Variants in SOHLH1 observed in about 807,000 individuals in gnomAD.
SOHLH1 encodes spermatogenesis and oogenesis specific basic helix-loop-helix 1.
Under a neutral mutation model 36.2 loss-of-function variants are expected in SOHLH1, and 23 were observed. The ratio of observed to expected loss-of-function variants is 0.64; its 90% confidence interval spans 0.46 to 0.90. The LOEUF (loss-of-function observed/expected upper bound fraction) is 0.90, where lower values mean the gene tolerates loss of function less well. Ranked by LOEUF, SOHLH1 falls within the 40% of genes least tolerant of loss-of-function variation. The pLI is 0.00. For synonymous variants in SOHLH1, 289 were observed against 228.3 expected, an observed-to-expected ratio of 1.27 and a Z score of -2.40; for missense variants, 608 against 517.0, an observed-to-expected ratio of 1.18 and a Z score of -1.71.
At chr9:135,694,914 C>T (rs549532592) in intron 6 of SOHLH1, 136 bp downstream of exon 6, 34 of 1,018,860 alleles carry the variant, frequency 3.3e-5, no homozygotes, top group Admixed American at 6.4e-5. Flanking sequence ...CTCCCTCCCA[C>T]GGGCACAGAA....
Position 135,697,799 on chromosome 9 carries a change from G to A in SOHLH1, c.346-172C>T, listed in dbSNP as rs561336231. 8.5e-5 allele frequency among the ~76,000 whole-genome samples: 13 copies of A among 152,220 alleles called. 1 individual carries two copies. In the South Asian group the frequency reaches 2.1e-3, roughly 24 times the overall value. On this transcript the variant is annotated intron_variant, in intron 3 of 7. Coordinates refer to ENST00000425225, the MANE Select transcript of SOHLH1 (RefSeq NM_001101677.2). The stretch of plus-strand genomic sequence containing the variant: ...ACAACGAGGCTGAGGTTCCACCCCC[G>A]AAAGGCCCCACCATTCCTGAATCAG...
At chr9:135,701,329 T>A (rs999631727), upstream of SOHLH1, among the ~76,000 whole-genome samples, 1 of 151,800 alleles carries the variant, frequency 6.6e-6, no homozygotes, top group African/African-American at 2.4e-5. Flanking sequence ...ACAAAGTACA[T>A]GGCATGCGCC....
chr9:135,698,326 C>T lies in SOHLH1; in HGVS notation c.345+3G>A. ...ACTGACGGCGTCTACCCTTACAACT[C>T]ACAGCGTGCTGCTCCTGACTGGGCC... On this transcript the variant is annotated splice_donor_region_variant and intron_variant, in intron 3 of 7. Coordinates refer to ENST00000425225, the MANE Select transcript of SOHLH1 (RefSeq NM_001101677.2). 6.2e-7 allele frequency: 1 copy of T among 1,613,010 alleles called. No individual in the cohort carries two copies. The highest frequency in any genetic ancestry group is 8.5e-7 in the Non-Finnish European group (1 of 1,180,010).
At chr9:135,699,585 C>T, upstream of SOHLH1, 1 of 1,108,196 alleles carries the variant, frequency 9.0e-7, no homozygotes, top group South Asian at 1.3e-5. Context: ...CCCACCCCCA[C>T]TTGCAATCCG....
At chr9:135,695,937 C>T (rs1340361971) in intron 5 of SOHLH1, among the ~76,000 whole-genome samples, 1 of 146,778 alleles carries the variant, frequency 6.8e-6, no homozygotes, top group Non-Finnish European at 1.5e-5. Flanking sequence ...GGCCAGGCAG[C>T]ATAGGCGGAA....
intron 4 of SOHLH1, 100 bp downstream of exon 4, chr9:135,697,406 G>A: frequency 6.5e-7 from 1 of 1,535,736 alleles, no homozygotes; most frequent in Non-Finnish European, 8.8e-7. Flanking sequence ...GCCAAGCCGG[G>A]CCTCCAGGCC....
At chr9:135,699,616 T>C (rs1287504096), upstream of SOHLH1, 1 of 823,402 alleles carries the variant, frequency 1.2e-6, no homozygotes, top group Non-Finnish European at 2.0e-6. Context: ...GCATGCGCTC[T>C]AGCCCTCCCC....
upstream of SOHLH1, chr9:135,699,499 A>G (rs1235076555): frequency 6.2e-7 from 1 of 1,604,794 alleles, no homozygotes; most frequent in South Asian, 1.1e-5. Flanking sequence ...CCCCACGCGC[A>G]CGGCCCCTTC....
rs1022741285 is a variant in SOHLH1 at position 135,698,556 on chromosome 9, G to C, written c.198-80C>G. 4.4e-6 allele frequency: 7 copies of C among 1,598,502 alleles called. No homozygotes were observed. The African/African-American group carries it at 6.7e-5, about 15-fold the overall frequency. On this transcript the variant is annotated intron_variant, in intron 2 of 7. Transcript: ENST00000425225. ...GGACAGCAACTGCTAGAACCTGCCA[G>C]ATAGACCCTGGGCGCTTGTCAGGCA...
intron 5 of SOHLH1, 69 bp from the exon 6 acceptor site, chr9:135,695,332 T>G: frequency 6.9e-7 from 1 of 1,457,352 alleles, no homozygotes; most frequent in Non-Finnish European, 9.4e-7. Context: ...GAGGACCTCG[T>G]GACTCACGGG....
intron 3 of SOHLH1, 99 bp downstream of exon 3, chr9:135,698,230 A>G: frequency 6.5e-7 from 1 of 1,546,364 alleles, no homozygotes. Flanking sequence ...AGAGGGCTGA[A>G]GGAGACGGGG....
At chr9:135,694,495 GA>G in intron 6 of SOHLH1, 38 bp from the exon 7 acceptor site, 1 of 1,609,360 alleles carries the variant, frequency 6.2e-7, no homozygotes, top group Non-Finnish European at 8.5e-7. Context: ...GCCACAAGCG[GA>G]CCCAGACCTT....
intron 2 of SOHLH1, 127 bp downstream of exon 2, chr9:135,698,868 G>C (rs1834915481): frequency 1.5e-6 from 2 of 1,350,038 alleles, no homozygotes; most frequent in South Asian, 1.2e-5. Flanking sequence ...TGTGCAGTCT[G>C]TCCTTCTCCT....
chr9:135,697,545 C>T lies in SOHLH1; in HGVS notation c.428G>A (p.Gly143Asp). ...CGCTCCCGTCCCAGGGTCTGGCACACCTGCTTGAATCTGACTCGACAACGT... is the reference window on the plus strand; with the variant it reads ...CGCTCCCGTCCCAGGGTCTGGCACATCTGCTTGAATCTGACTCGACAACGT... ...QLTLSSQIQA[G>D]VPDPGTGASS... is the part of the protein sequence containing the mutation. The change falls in exon 4 of 8, where the codon GGT becomes GAT. Residue 143 changes from glycine to aspartate, a missense_variant. Transcript: ENST00000425225. 3 of 1,612,694 alleles carry T rather than the reference C, an allele frequency of 1.9e-6. No individual in the cohort carries two copies. The highest frequency in any genetic ancestry group is 2.5e-6 in the Non-Finnish European group (3 of 1,179,812).
chr9:135,696,435 C>T (rs1035758333), intron 5 of SOHLH1, among the ~76,000 whole-genome samples, 177 bp downstream of exon 5: 12 of 152,132 alleles, frequency 7.9e-5, no homozygotes, highest in Non-Finnish European at 1.6e-4. Flanking sequence ...AAAGCAGGCA[C>T]AGCCCGGGGG....
At chr9:135,701,479 G>A (rs1261013994), upstream of SOHLH1, among the ~76,000 whole-genome samples, 1 of 152,248 alleles carries the variant, frequency 6.6e-6, no homozygotes, top group African/African-American at 2.4e-5. Flanking sequence ...GGCTGAGCCA[G>A]GGTGACGCAT....
intron 5 of SOHLH1, 80 bp downstream of exon 5, chr9:135,696,532 C>T (rs893641537): frequency 1.3e-6 from 2 of 1,508,816 alleles, no homozygotes; most frequent in Admixed American, 2.0e-5. Flanking sequence ...GCAAACAGCC[C>T]CCATTGTTCT....
intron 3 of SOHLH1, 104 bp downstream of exon 3, chr9:135,698,225 G>A (rs1834885966): frequency 6.6e-7 from 1 of 1,521,654 alleles, no homozygotes; most frequent in East Asian, 2.3e-5. Context: ...GACCCAGAGG[G>A]CTGAAGGAGA....
upstream of SOHLH1, among the ~76,000 whole-genome samples, chr9:135,701,810 C>G (rs571586174): frequency 1.4e-4 from 22 of 152,282 alleles, no homozygotes; most frequent in South Asian, 4.6e-3. Context: ...GAGGTGCTGA[C>G]GGTCCCTGGG....
Sources: gnomAD v4.1 joint callset for allele counts (sites outside exome capture counted in the v4.1 genomes callset) on GRCh38, gnomAD v4.1.1 for gene constraint, MANE v1.5 for transcripts, NCBI Gene and HGNC (gene_info 2026-07-23, HGNC 2026-07-21) for gene names.